The following BACH2 variants were observed in gnomAD, a reference collection of about 807,000 sequenced individuals.
BACH2 encodes the protein transcription regulator protein BACH2.
Under a neutral mutation model 61.8 loss-of-function variants are expected in BACH2, and 5 were observed. That is an observed-to-expected ratio of 0.08 (90% CI 0.04 to 0.17). BACH2 has a LOEUF of 0.17. Ranked by LOEUF, BACH2 falls within the 10% of genes least tolerant of loss-of-function variation. The pLI is 1.00. For synonymous variants in BACH2, 446 were observed against 440.1 expected (o/e 1.01, Z -0.17); for missense variants, 824 against 1,091.1 (o/e 0.76, Z 3.45).
At chr6:90,060,523 A>T (rs1780630384) in intron 5 of BACH2, among the ~76,000 whole-genome samples, 1 of 152,054 alleles carries the variant, frequency 6.6e-6, no homozygotes, top group Non-Finnish European at 1.5e-5. Flanking sequence ...ATTGTTGTTC[A>T]CCATTCACCA....
intron 1 of BACH2, among the ~76,000 whole-genome samples, chr6:90,283,712 A>T (rs1393973251): frequency 6.6e-6 from 1 of 151,284 alleles, no homozygotes; most frequent in Non-Finnish European, 1.5e-5. Flanking sequence ...ATTTTATAAG[A>T]ATTTTTTAGG....
At chr6:90,103,021 A>ATTTTT (rs1782729719) in intron 4 of BACH2, among the ~76,000 whole-genome samples, 1 of 32,192 alleles carries the variant, frequency 3.1e-5, no homozygotes, top group African/African-American at 2.0e-4. Context: ...ATATATATAT[A>ATTTTT]TATATATATT....
intron 6 of BACH2, among the ~76,000 whole-genome samples, chr6:89,975,982 T>C (rs988966807): frequency 1.3e-5 from 2 of 152,232 alleles, no homozygotes; most frequent in African/African-American, 2.4e-5. Flanking sequence ...TACATATAAA[T>C]GCTCACATTC....
At chr6:90,235,235 G>A (rs1332569074) in intron 3 of BACH2, among the ~76,000 whole-genome samples, 1 of 152,130 alleles carries the variant, frequency 6.6e-6, no homozygotes, top group Admixed American at 6.5e-5. Flanking sequence ...TTAGTGTGTG[G>A]TTAAAAGCAA....
chr6:90,124,466 G>A (rs917947698), intron 4 of BACH2, among the ~76,000 whole-genome samples: 9 of 152,140 alleles, frequency 5.9e-5, no homozygotes, highest in African/African-American at 2.2e-4. Flanking sequence ...ACAACACTAA[G>A]GAAATTGTTA....
chr6:89,934,932 T>C (rs1031300714), intron 8 of BACH2, among the ~76,000 whole-genome samples: 6 of 152,136 alleles, frequency 3.9e-5, no homozygotes, highest in African/African-American at 1.4e-4. Flanking sequence ...GGCGTGGGCA[T>C]GTGTGTCGGA....
chr6:90,196,196 A>G (rs1768753195), intron 4 of BACH2, among the ~76,000 whole-genome samples: 1 of 152,138 alleles, frequency 6.6e-6, no homozygotes, highest in Admixed American at 6.5e-5. Flanking sequence ...CTTGATTAGA[A>G]TAGGTGAAAA....
intron 5 of BACH2, among the ~76,000 whole-genome samples, chr6:90,065,407 T>G (rs1780909213): frequency 6.8e-6 from 1 of 147,336 alleles, no homozygotes; most frequent in East Asian, 2.2e-4. Context: ...AGACCAACCA[T>G]CCTAGAATGG....
At chr6:90,072,237 C>T (rs926667316) in intron 5 of BACH2, among the ~76,000 whole-genome samples, 1 of 152,312 alleles carries the variant, frequency 6.6e-6, no homozygotes, top group East Asian at 1.9e-4. Context: ...GGCAATGTTA[C>T]TATAATAAGT....
chr6:90,163,754 A>G (rs550266857), intron 4 of BACH2, among the ~76,000 whole-genome samples: 1 of 152,304 alleles, frequency 6.6e-6, no homozygotes, highest in Non-Finnish European at 1.5e-5. Flanking sequence ...AGGGCTCCAA[A>G]ATTTTCTTAA....
chr6:90,205,524 T>A (rs1422801077), intron 4 of BACH2, among the ~76,000 whole-genome samples: 4 of 152,070 alleles, frequency 2.6e-5, no homozygotes, highest in Admixed American at 2.6e-4. Flanking sequence ...CTACAAAAAA[T>A]CCTAAAATTC....
intron 7 of BACH2, among the ~76,000 whole-genome samples, chr6:89,938,648 G>T (rs1429818556): frequency 6.6e-6 from 1 of 152,130 alleles, no homozygotes; most frequent in Non-Finnish European, 1.5e-5. Flanking sequence ...ACTTTTGTAA[G>T]AAAGATTCTA....
At chr6:90,133,989 C>T (rs1784188810) in intron 4 of BACH2, among the ~76,000 whole-genome samples, 1 of 152,190 alleles carries the variant, frequency 6.6e-6, no homozygotes, top group Non-Finnish European at 1.5e-5. Flanking sequence ...GTGAATAGTG[C>T]TGCAATAAAC....
At chr6:90,017,483 A>G (rs1433572092) in intron 5 of BACH2, among the ~76,000 whole-genome samples, 3 of 152,072 alleles carry the variant, frequency 2.0e-5, no homozygotes, top group Non-Finnish European at 4.4e-5. Context: ...CGGCCTCCCA[A>G]AATGCTGGGA....
chr6:90,248,103 C>G (rs1310944423), intron 3 of BACH2, among the ~76,000 whole-genome samples: 1 of 152,148 alleles, frequency 6.6e-6, no homozygotes, highest in African/African-American at 2.4e-5. Context: ...GCTATCTCCC[C>G]AAGGTGAGAC....
At chr6:90,232,842 T>C (rs1562518465) in intron 3 of BACH2, among the ~76,000 whole-genome samples, 1 of 152,242 alleles carries the variant, frequency 6.6e-6, no homozygotes, top group Non-Finnish European at 1.5e-5. Context: ...TTAAATGGTC[T>C]TTCTTGACAT....
intron 3 of BACH2, among the ~76,000 whole-genome samples, chr6:90,219,779 AACACATAC>A (rs773183465): frequency 3.4e-4 from 24 of 70,598 alleles, no homozygotes; most frequent in Admixed American, 6.2e-4. Context: ...GGGGCTTTAA[AACACATAC>A]ACACACACAC....
chr6:89,942,604 T>A (rs180719090), intron 7 of BACH2, among the ~76,000 whole-genome samples: 10 of 152,086 alleles, frequency 6.6e-5, no homozygotes, highest in African/African-American at 2.4e-4. Flanking sequence ...ACTGTCGCCA[T>A]CCCCACTAGT....
At chr6:90,036,527 C>G (rs1362877080) in intron 5 of BACH2, among the ~76,000 whole-genome samples, 1 of 152,042 alleles carries the variant, frequency 6.6e-6, no homozygotes, top group Non-Finnish European at 1.5e-5. Context: ...CAGTGAACAC[C>G]TACATACCCA....
Sources: gnomAD v4.1 joint callset for allele counts (sites outside exome capture counted in the v4.1 genomes callset) on GRCh38, gnomAD v4.1.1 for gene constraint, MANE v1.5 for transcripts, NCBI Gene and HGNC (gene_info 2026-07-23, HGNC 2026-07-21) for gene names.